FLNB: variants seen among roughly 807,000 people sequenced by gnomAD.
The protein encoded by FLNB is filamin-B.
Under a neutral mutation model 250.6 loss-of-function variants are expected in FLNB, and 111 were observed. The observed-to-expected ratio is 0.44, with a 90% confidence interval of 0.38 to 0.52. The LOEUF (loss-of-function observed/expected upper bound fraction) is 0.52, where lower values mean the gene tolerates loss of function less well. Among genes scored for constraint, FLNB ranks in the 20% least tolerant of loss-of-function variants. The probability of loss-of-function intolerance (pLI) is 0.00; values close to 1 mark genes in which losing one functional copy is unlikely to be tolerated. For missense variants in FLNB, 2,869 were observed against 3,447.8 expected, an observed-to-expected ratio of 0.83 and a Z score of 4.20; for synonymous variants, 1,302 against 1,372.1, an observed-to-expected ratio of 0.95 and a Z score of 1.13.
At chr3:58,030,990 C>G (rs1457820122) in intron 1 of FLNB, among the ~76,000 whole-genome samples, 1 of 152,114 alleles carries the variant, frequency 6.6e-6, no homozygotes, top group African/African-American at 2.4e-5. Context: ...TTTCCATATG[C>G]TATGATACCG....
At chr3:58,158,593 C>T (rs752563906) in intron 41 of FLNB, among the ~76,000 whole-genome samples, 2 of 152,212 alleles carry the variant, frequency 1.3e-5, no homozygotes, top group African/African-American at 2.4e-5. Context: ...AGTGGCTGTC[C>T]GACCAAGTCT....
At chr3:58,078,160 G>C (rs1031273742) in intron 2 of FLNB, 1 of 618,546 alleles carries the variant, frequency 1.6e-6, no homozygotes, top group Non-Finnish European at 2.0e-6. Context: ...AAAATTCAAA[G>C]TGCAGCATTA....
At chr3:58,110,776 A>T (rs1172246305) in intron 16 of FLNB, among the ~76,000 whole-genome samples, 2 of 152,098 alleles carry the variant, frequency 1.3e-5, no homozygotes, top group Non-Finnish European at 2.9e-5. Context: ...TTTTTAGTAG[A>T]GACGGTTGCC....
At chr3:58,163,710 G>A (rs17274405) in intron 43 of FLNB, 13,477 of 260,184 alleles carry the variant, frequency 0.052, 454 homozygotes, top group Middle Eastern at 0.12. Flanking sequence ...GCTCCTACCC[G>A]TCTGTTCTTT....
chr3:58,150,267 C>T (rs1220905640), intron 38 of FLNB, 40 bp downstream of exon 38: 3 of 1,613,574 alleles, frequency 1.9e-6, no homozygotes, highest in East Asian at 2.2e-5. Flanking sequence ...AGCCTTGGCT[C>T]CAGCCTTCAG....
chr3:58,009,351 C>T (rs1039972692), intron 1 of FLNB, among the ~76,000 whole-genome samples: 1 of 152,092 alleles, frequency 6.6e-6, no homozygotes, highest in Non-Finnish European at 1.5e-5. Flanking sequence ...GCGCCTGGGG[C>T]CTCCCTGCCC....
chr3:58,152,987 A>G (rs375287552), intron 38 of FLNB: 45 of 332,886 alleles, frequency 1.4e-4, no homozygotes, highest in Middle Eastern at 1.0e-3. Flanking sequence ...CCCCTCTGCC[A>G]TTGGGACTTA....
chr3:58,065,901 G>A (rs182540019), intron 1 of FLNB, among the ~76,000 whole-genome samples: 53 of 152,182 alleles, frequency 3.5e-4, no homozygotes, highest in Non-Finnish European at 6.2e-4. Flanking sequence ...AATGTTTGCC[G>A]AGCAGTTGTA....
intron 4 of FLNB, among the ~76,000 whole-genome samples, chr3:58,086,460 G>A (rs980202201): frequency 2.5e-5 from 3 of 119,900 alleles, no homozygotes; most frequent in Non-Finnish European, 1.7e-5. Context: ...TTTATTTCTA[G>A]CCTTTTTTCT....
chr3:58,088,852 G>A (rs1033285802), intron 4 of FLNB, among the ~76,000 whole-genome samples: 6 of 152,172 alleles, frequency 3.9e-5, no homozygotes, highest in Non-Finnish European at 8.8e-5. Flanking sequence ...ACTCTCCGGG[G>A]CCATGGAGGA....
At chr3:58,170,394 CA>C (rs1324256495) in intron 45 of FLNB, 180 bp from the exon 46 acceptor site, 1 of 623,530 alleles carries the variant, frequency 1.6e-6, no homozygotes, top group African/African-American at 1.8e-5. Context: ...AGTGGCAGGG[CA>C]GGGATTCGAA....
chr3:58,041,059 G>A (rs1484022308), intron 1 of FLNB, among the ~76,000 whole-genome samples: 2 of 152,038 alleles, frequency 1.3e-5, no homozygotes, highest in East Asian at 1.9e-4. Flanking sequence ...TCTGAGGAAC[G>A]GTGTTAATCC....
intron 1 of FLNB, among the ~76,000 whole-genome samples, chr3:58,054,116 C>G (rs78591755): frequency 0.014 from 2,203 of 152,242 alleles, 49 homozygotes; most frequent in East Asian, 0.054. Flanking sequence ...TGCCCACTCA[C>G]TGGCTCTGGA....
intron 41 of FLNB, among the ~76,000 whole-genome samples, chr3:58,158,476 T>C (rs2097356580): frequency 6.6e-6 from 1 of 152,200 alleles, no homozygotes; most frequent in Non-Finnish European, 1.5e-5. Context: ...ACCTGAGAAC[T>C]TCAGTCCCAG....
At chr3:58,111,954 C>T in intron 17 of FLNB, 73 bp downstream of exon 17, 1 of 1,313,572 alleles carries the variant, frequency 7.6e-7, no homozygotes, top group Non-Finnish European at 1.1e-6. Context: ...CATCCACGGC[C>T]TTGAGGAACT....
At chr3:58,132,143 C>T in intron 25 of FLNB, 1 of 704,410 alleles carries the variant, frequency 1.4e-6, no homozygotes, top group Non-Finnish European at 2.5e-6. Context: ...TTTGATTAAC[C>T]TACCCTGGAG....
chr3:58,072,386 G>C (rs1236510294), intron 1 of FLNB, among the ~76,000 whole-genome samples: 2 of 152,192 alleles, frequency 1.3e-5, no homozygotes, highest in African/African-American at 2.4e-5. Flanking sequence ...GAATCCTGCT[G>C]AAAGGCTTCC....
At chr3:58,108,418 C>T (rs1559698303) in intron 12 of FLNB, 40 bp from the exon 13 acceptor site, 1 of 1,284,926 alleles carries the variant, frequency 7.8e-7, no homozygotes, top group Admixed American at 1.7e-5. Context: ...TTAGTTGGGG[C>T]ATTACACAGA....
intron 43 of FLNB, chr3:58,163,539 G>A (rs2097365103): frequency 1.5e-5 from 9 of 590,478 alleles, no homozygotes; most frequent in South Asian, 9.9e-5. Flanking sequence ...CTCGATGGCC[G>A]TGTTATCACA....
Sources: allele counts gnomAD v4.1 joint callset (sites outside exome capture counted in the v4.1 genomes callset), GRCh38; gene constraint gnomAD v4.1.1; transcripts MANE v1.5; gene names NCBI Gene and HGNC (gene_info 2026-07-23, HGNC 2026-07-21).